The following UPRT variants were observed in gnomAD, a reference collection of about 807,000 sequenced individuals.
UPRT encodes RP11-311P8.3.
In UPRT, 5 loss-of-function variants were observed where a neutral mutation model predicts 22.6. That is an observed-to-expected ratio of 0.22 (90% CI 0.12 to 0.47). UPRT has a LOEUF of 0.47. Ranked by LOEUF, UPRT falls within the 20% of genes least tolerant of loss-of-function variation. The probability of loss-of-function intolerance (pLI) is 0.99; values close to 1 mark genes in which losing one functional copy is unlikely to be tolerated. For synonymous variants in UPRT, 77 were observed against 87.7 expected (o/e 0.88, Z 0.68); for missense variants, 181 against 239.9 (o/e 0.75, Z 1.62).
chrX:75,202,170 T>C (rs2082348963), intron 4 of UPRT, among the ~76,000 whole-genome samples: 1 of 111,695 alleles, frequency 9.0e-6, no homozygotes, highest in Admixed American at 9.6e-5. Flanking sequence ...TATGTTCATA[T>C]ATATGTTTAA....
In UPRT at chrX:75,187,162, G is replaced by A. The variant is rs183442706; in HGVS notation, c.-447+19283G>A. ...GCATGATTTTGCAGCAGGTGGTACCGGTTGTTTCTTTCCAAGTTTAGTGCT... is the reference window on the plus strand; with the variant it reads ...GCATGATTTTGCAGCAGGTGGTACCAGTTGTTTCTTTCCAAGTTTAGTGCT... On this transcript the variant is annotated intron_variant, in intron 4 of 13. Transcript: ENST00000652605. Among the ~76,000 whole-genome samples the A allele has an allele frequency of 1.3e-4, 15 of 111,666 alleles. No homozygotes were observed. In the East Asian group the frequency reaches 2.2e-3, roughly 17 times the overall value.
intron 4 of UPRT, among the ~76,000 whole-genome samples, chrX:75,265,822 G>A (rs184190804): frequency 1.1e-3 from 121 of 110,944 alleles, no homozygotes; most frequent in African/African-American, 3.8e-3. Context: ...TCTACCTTTG[G>A]TCTTTGATGA....
At chrX:75,219,296 C>T (rs979576536) in intron 4 of UPRT, among the ~76,000 whole-genome samples, 2 of 112,022 alleles carry the variant, frequency 1.8e-5, no homozygotes, top group Admixed American at 9.5e-5. Context: ...ATGGACACAG[C>T]TGGATTTAAA....
intron 4 of UPRT, among the ~76,000 whole-genome samples, chrX:75,191,668 G>T: frequency 8.9e-6 from 1 of 112,179 alleles, no homozygotes; most frequent in African/African-American, 3.2e-5. Flanking sequence ...AATGGTGGGT[G>T]CCCCTACCCT....
chrX:75,265,860 T>G (rs888836063), intron 4 of UPRT, among the ~76,000 whole-genome samples: 2 of 111,491 alleles, frequency 1.8e-5, no homozygotes, highest in Admixed American at 1.9e-4. Context: ...GGTTTTGGTG[T>G]GGATGTCCTT....
intron 4 of UPRT, among the ~76,000 whole-genome samples, chrX:75,172,036 G>C (rs2082229569): frequency 8.9e-6 from 1 of 111,898 alleles, no homozygotes; most frequent in Admixed American, 9.4e-5. Context: ...GTTGTTTAAT[G>C]CACTATTTTT....
chrX:75,264,613 G>T (rs968435066), intron 4 of UPRT, among the ~76,000 whole-genome samples: 17 of 109,838 alleles, frequency 1.5e-4, no homozygotes, highest in African/African-American at 5.6e-4. Flanking sequence ...GAGCCTTTGT[G>T]TGTCACTGAT....
chrX:75,211,498 G>A (rs1012786625), intron 4 of UPRT, among the ~76,000 whole-genome samples: 1 of 111,755 alleles, frequency 8.9e-6, no homozygotes, highest in East Asian at 2.8e-4. Context: ...TTGGAGATTG[G>A]TGTTGGATGT....
intron 1 of UPRT, among the ~76,000 whole-genome samples, chrX:75,282,627 T>C (rs1230154608): frequency 8.9e-6 from 1 of 112,064 alleles, no homozygotes; most frequent in African/African-American, 3.2e-5. Context: ...TCCACTGCGG[T>C]CTGAGAGAGT....
intron 4 of UPRT, among the ~76,000 whole-genome samples, chrX:75,264,415 G>A (rs748143722): frequency 5.4e-5 from 6 of 111,498 alleles, no homozygotes; most frequent in Non-Finnish European, 1.1e-4. Context: ...TCCTGTATTG[G>A]GTGCATATAT....
intron 4 of UPRT, among the ~76,000 whole-genome samples, chrX:75,189,720 C>T (rs1444173680): frequency 8.9e-6 from 1 of 111,971 alleles, no homozygotes; most frequent in Non-Finnish European, 1.9e-5. Flanking sequence ...TGAACTGATC[C>T]CTTTACCATT....
chrX:75,247,606 T>G (rs1014845924), intron 4 of UPRT, among the ~76,000 whole-genome samples: 1 of 112,343 alleles, frequency 8.9e-6, no homozygotes, highest in Non-Finnish European at 1.9e-5. Context: ...GAGCCCACCA[T>G]AGCTCAAGGA....
intron 5 of UPRT, 64 bp from the exon 6 acceptor site, chrX:75,300,803 G>GA: frequency 1.0e-6 from 1 of 957,382 alleles, no homozygotes; most frequent in Non-Finnish European, 1.5e-6. Context: ...CCCAAAAAAA[G>GA]AAAAAAGACA....
At position 75,303,780 on chromosome X, in the gene UPRT, A is replaced by G. The variant is rs1324059170; in HGVS notation, c.*269A>G. On this transcript the variant is annotated 3_prime_UTR_variant, in exon 7 of 7. Transcript: ENST00000373383. Reference sequence around the variant, plus strand: ...ACTGAACCCTCAGTGCATTAAAATTATTTCCTAATTTATGAGCCTCTTAGT... The same window carrying G: ...ACTGAACCCTCAGTGCATTAAAATTGTTTCCTAATTTATGAGCCTCTTAGT... The G allele has an allele frequency of 5.6e-6, 1 of 179,443 alleles. No homozygotes were observed. The highest frequency in any genetic ancestry group is 1.0e-5 in the Non-Finnish European group (1 of 99,110). 14.8% of individuals were successfully genotyped at this position (179,443 alleles called of 1,213,427 possible). A position where few individuals can be genotyped will look rare whatever the true frequency, so the allele number is the denominator to read the frequency against.
chrX:75,297,983 CT>C (rs11436262), intron 4 of UPRT, among the ~76,000 whole-genome samples: 122 of 93,378 alleles, frequency 1.3e-3, no homozygotes, highest in African/African-American at 4.2e-3. Context: ...GATATTTTTA[CT>C]TTTTTTTTTT....
upstream of UPRT, among the ~76,000 whole-genome samples, chrX:75,272,364 A>ATG (rs2082613749): frequency 8.0e-5 from 7 of 87,589 alleles, no homozygotes; most frequent in Non-Finnish European, 1.6e-4. Flanking sequence ...ATATGTGTAT[A>ATG]TATATATATG....
At chrX:75,226,783 A>G (rs1397027513) in intron 4 of UPRT, among the ~76,000 whole-genome samples, 3 of 109,335 alleles carry the variant, frequency 2.7e-5, no homozygotes, top group African/African-American at 1.0e-4. Flanking sequence ...TATTTTGTAT[A>G]TTGTCTGTTT....
At chrX:75,172,421 T>C (rs2147604419) in intron 4 of UPRT, among the ~76,000 whole-genome samples, 1 of 111,871 alleles carries the variant, frequency 8.9e-6, no homozygotes, top group Admixed American at 9.4e-5. Context: ...AAGGTCGGTC[T>C]GACTCCCATC....
At chrX:75,174,417 A>AT (rs1488458784) in intron 4 of UPRT, among the ~76,000 whole-genome samples, 4 of 111,736 alleles carry the variant, frequency 3.6e-5, no homozygotes, top group Non-Finnish European at 5.6e-5. Context: ...GAGGAAACAA[A>AT]TTTGACAAGA....
Sources: allele counts gnomAD v4.1 joint callset (sites outside exome capture counted in the v4.1 genomes callset), GRCh38; gene constraint gnomAD v4.1.1; transcripts MANE v1.5; gene names NCBI Gene and HGNC (gene_info 2026-07-23, HGNC 2026-07-21).